GPHN: variants seen among roughly 807,000 people sequenced by gnomAD.
GPHN encodes the protein gephyrin.
In GPHN, 17 loss-of-function variants were observed where a neutral mutation model predicts 95.5. That is an observed-to-expected ratio of 0.18 (90% CI 0.12 to 0.27). GPHN has a LOEUF of 0.27. GPHN is among the 10% of genes least tolerant of loss of function. GPHN has a pLI of 1.00. For synonymous variants in GPHN, 320 were observed against 322.5 expected, an observed-to-expected ratio of 0.99 and a Z score of 0.08; for missense variants, 660 against 978.1, an observed-to-expected ratio of 0.67 and a Z score of 4.34.
intron 5 of GPHN, among the ~76,000 whole-genome samples, chr14:66,905,922 C>G (rs7146098): frequency 0.25 from 38,066 of 151,458 alleles, 9,668 homozygotes; most frequent in African/African-American, 0.62. Context: ...CCTTTTATGG[C>G]TGTATAGTAT....
the GPHN span, chr14:67,729,517 G>A: frequency 2.4e-6 from 2 of 819,370 alleles, no homozygotes; most frequent in Non-Finnish European, 4.1e-6. Flanking sequence ...CAAACAGAAT[G>A]CCGTTGCTTT....
the GPHN span, among the ~76,000 whole-genome samples, chr14:67,701,476 T>A: frequency 1.2e-4 from 16 of 136,954 alleles, no homozygotes; most frequent in Admixed American, 1.3e-3. Flanking sequence ...CAGGCTGGAG[T>A]ACAGTGTCAC....
chr14:67,257,081 G>A, the GPHN span, among the ~76,000 whole-genome samples: 24 of 152,028 alleles, frequency 1.6e-4, no homozygotes, highest in African/African-American at 4.8e-4. Context: ...CCGGTAAGAC[G>A]GAACAACTTG....
chr14:67,000,442 T>G (rs1285082410), intron 9 of GPHN, among the ~76,000 whole-genome samples: 2 of 151,778 alleles, frequency 1.3e-5, no homozygotes, highest in African/African-American at 4.8e-5. Flanking sequence ...GATTCTATAC[T>G]GTGAGATAAT....
chr14:67,582,400 C>A, the GPHN span: 1 of 935,962 alleles, frequency 1.1e-6, no homozygotes, highest in Non-Finnish European at 1.6e-6. The surrounding 1 kb of genome is among the most constrained non-coding windows in gnomAD (Gnocchi z 5.0). Context: ...ATATAGGATG[C>A]GTGCAGATGG....
At chr14:67,486,060 G>A in the GPHN span, among the ~76,000 whole-genome samples, 4 of 152,206 alleles carry the variant, frequency 2.6e-5, no homozygotes, top group East Asian at 3.8e-4. Flanking sequence ...GAAGCCTGAC[G>A]GCCAAAGTAG....
At chr14:66,985,019 C>T (rs988835236) in intron 9 of GPHN, among the ~76,000 whole-genome samples, 3 of 152,090 alleles carry the variant, frequency 2.0e-5, no homozygotes, top group East Asian at 3.8e-4. Context: ...TTTCATTTCC[C>T]GTCTTACCCA....
intron 1 of GPHN, among the ~76,000 whole-genome samples, chr14:66,536,553 ATGTT>A (rs1293001772): frequency 2.0e-5 from 3 of 152,170 alleles, no homozygotes; most frequent in African/African-American, 4.8e-5. Context: ...TTTGTTATCA[ATGTT>A]TGTTAGCCTT....
intron 1 of GPHN, among the ~76,000 whole-genome samples, chr14:66,515,181 T>G (rs1046263910): frequency 2.6e-5 from 4 of 152,186 alleles, no homozygotes; most frequent in Non-Finnish European, 5.9e-5. Context: ...TCAAAGTAGA[T>G]TTTAAAGTTC....
chr14:67,429,378 C>A, the GPHN span, among the ~76,000 whole-genome samples: 75 of 151,714 alleles, frequency 4.9e-4, no homozygotes, highest in East Asian at 0.013. Context: ...TTACAGGCAC[C>A]CACCACCACG....
chr14:67,291,613 C>T, the GPHN span, among the ~76,000 whole-genome samples: 7 of 152,126 alleles, frequency 4.6e-5, no homozygotes, highest in African/African-American at 1.7e-4. Flanking sequence ...TTTAGAATAA[C>T]GTTTTCCAGA....
intron 21 of GPHN, among the ~76,000 whole-genome samples, chr14:67,171,437 T>C (rs1049376592): frequency 6.6e-6 from 1 of 152,088 alleles, no homozygotes; most frequent in African/African-American, 2.4e-5. Flanking sequence ...AATAGAATTA[T>C]TGACCCCGTG....
chr14:66,634,502 G>A (rs118089889), intron 1 of GPHN, among the ~76,000 whole-genome samples: 1,846 of 152,178 alleles, frequency 0.012, 22 homozygotes, highest in Non-Finnish European at 0.018. Context: ...TCACGTGGGG[G>A]CACCAACAGT....
chr14:66,809,515 G>T (rs1015647698), intron 3 of GPHN, among the ~76,000 whole-genome samples: 7 of 152,060 alleles, frequency 4.6e-5, no homozygotes, highest in African/African-American at 1.7e-4. Context: ...TTAATTCAGG[G>T]TTTTCACTTA....
At chr14:67,440,401 C>T in the GPHN span, among the ~76,000 whole-genome samples, 3 of 151,926 alleles carry the variant, frequency 2.0e-5, no homozygotes, top group Non-Finnish European at 2.9e-5. Flanking sequence ...ATTACTGTCT[C>T]CCCCACCGAA....
intron 9 of GPHN, among the ~76,000 whole-genome samples, chr14:67,003,946 C>T (rs2072421641): frequency 6.6e-6 from 1 of 151,316 alleles, no homozygotes; most frequent in Non-Finnish European, 1.5e-5. Flanking sequence ...GGGTCTGTGT[C>T]GATTTAATCA....
chr14:67,252,340 A>G, the GPHN span, among the ~76,000 whole-genome samples: 1 of 151,028 alleles, frequency 6.6e-6, no homozygotes, highest in Non-Finnish European at 1.5e-5. Context: ...TTTTTTGTAG[A>G]GATGAGGTCT....
At chr14:66,795,213 C>T (rs1235072328) in intron 3 of GPHN, among the ~76,000 whole-genome samples, 2 of 152,102 alleles carry the variant, frequency 1.3e-5, no homozygotes, top group Non-Finnish European at 2.9e-5. Context: ...TCTCTAATAG[C>T]ATTTCTTGCC....
At chr14:67,733,682 C>T in the GPHN span, 3 of 1,033,704 alleles carry the variant, frequency 2.9e-6, no homozygotes, top group Non-Finnish European at 4.6e-6. Flanking sequence ...GAGAAAGGGA[C>T]CATAAAGATT....
Sources: gnomAD v4.1 joint callset for allele counts (sites outside exome capture counted in the v4.1 genomes callset) on GRCh38, gnomAD v4.1.1 for gene constraint, Gnocchi (gnomAD v3.1) non-coding constraint, MANE v1.5 for transcripts, NCBI Gene and HGNC (gene_info 2026-07-23, HGNC 2026-07-21) for gene names.